The following FOXO3 variants were observed in gnomAD, a reference collection of about 807,000 sequenced individuals.
The protein encoded by FOXO3 is forkhead box protein O3.
A neutral mutation model predicts 41.9 loss-of-function variants in FOXO3; 4 were observed. The ratio of observed to expected loss-of-function variants is 0.10; its 90% confidence interval spans 0.05 to 0.22. The LOEUF is 0.22. FOXO3 is among the 10% of genes least tolerant of loss of function. The probability of loss-of-function intolerance (pLI) is 1.00; values close to 1 mark genes in which losing one functional copy is unlikely to be tolerated. For missense variants in FOXO3, 534 were observed against 906.8 expected, an observed-to-expected ratio of 0.59 and a Z score of 5.28; for synonymous variants, 318 against 389.3, an observed-to-expected ratio of 0.82 and a Z score of 2.16.
chr6:108,567,667 T>C (rs970912902), intron 1 of FOXO3, among the ~76,000 whole-genome samples: 33 of 152,110 alleles, frequency 2.2e-4, no homozygotes, highest in African/African-American at 7.7e-4. Context: ...TTTAACACTT[T>C]GGGAGGCCAA....
At chr6:108,570,501 T>G (rs899529659) in intron 1 of FOXO3, among the ~76,000 whole-genome samples, 2 of 152,016 alleles carry the variant, frequency 1.3e-5, no homozygotes, top group African/African-American at 2.4e-5. Context: ...AATTTTATGT[T>G]TTTTTTGTAG....
At chr6:108,562,257 G>A (rs1213766248) in intron 1 of FOXO3, among the ~76,000 whole-genome samples, 10 of 151,998 alleles carry the variant, frequency 6.6e-5, no homozygotes. Context: ...TGGAGGAGGG[G>A]TTGGATGTGT....
chr6:108,643,291 A>T (rs1449442925), intron 1 of FOXO3, among the ~76,000 whole-genome samples: 1 of 152,146 alleles, frequency 6.6e-6, no homozygotes, highest in South Asian at 2.1e-4. Flanking sequence ...ACCTTTTCAG[A>T]CTTTAGTGCA....
intron 1 of FOXO3, among the ~76,000 whole-genome samples, chr6:108,642,988 A>G (rs1477315431): frequency 1.3e-5 from 2 of 152,216 alleles, no homozygotes; most frequent in Admixed American, 6.5e-5. Context: ...GCACATTTGC[A>G]AGAATCCAGA....
rs1778973176 is a variant in FOXO3 at position 108,664,114 on chromosome 6, C to T, written c.1281C>T (p.Thr427=). 6.2e-7 allele frequency: 1 copy of T among 1,614,084 alleles called. No individual in the cohort carries two copies. Among genetic ancestry groups the T allele is most frequent in the African/African-American group, 1.3e-5 (1 of 74,944 alleles). ...TTKGSGLGSP[T]SSFNSTVFGP... Reference sequence around the variant, plus strand: ...AGGGCTCGGGCCTGGGCTCCCCAACCAGCTCCTTTAACAGCACGGTGTTCG... The same window carrying T: ...AGGGCTCGGGCCTGGGCTCCCCAACTAGCTCCTTTAACAGCACGGTGTTCG... The change falls in exon 2 of 3, where the codon ACC becomes ACT. Residue 427 remains threonine (T), a synonymous_variant. Coordinates refer to ENST00000406360, the MANE Select transcript of FOXO3 (RefSeq NM_001455.4).
intron 1 of FOXO3, among the ~76,000 whole-genome samples, chr6:108,662,994 T>G (rs1217696858): frequency 1.3e-5 from 2 of 152,226 alleles, no homozygotes; most frequent in Non-Finnish European, 2.9e-5. Context: ...ACATGTCATT[T>G]TATTCTCAAA....
chr6:108,632,664 C>T (rs907669547), intron 1 of FOXO3, among the ~76,000 whole-genome samples: 1 of 152,136 alleles, frequency 6.6e-6, no homozygotes, highest in Non-Finnish European at 1.5e-5. Context: ...AAAGCTGGCA[C>T]TACGTTTGAG....
chr6:108,671,244 A>G (rs556589627), intron 2 of FOXO3, among the ~76,000 whole-genome samples: 3 of 152,312 alleles, frequency 2.0e-5, no homozygotes, highest in South Asian at 4.1e-4. Context: ...CTGAATCCAG[A>G]TGCTGGTTTC....
rs143427512 is a variant in FOXO3 at position 108,600,282 on chromosome 6, C to T, written c.621+38453C>T. Among the ~76,000 whole-genome samples, 1,418 of 152,180 alleles carry T rather than the reference C, an allele frequency of 9.3e-3. 22 individuals carry two copies. The highest frequency in any genetic ancestry group is 0.032 in the African/African-American group (1,344 of 41,500). ...TGTGTGGGCCAGGTATGGTGGCTCA[C>T]ACCTGTAATCCCAGCACTTTAGGAG... On this transcript the variant is annotated intron_variant, in intron 1 of 2. Coordinates refer to ENST00000406360, the MANE Select transcript of FOXO3 (RefSeq NM_001455.4).
At chr6:108,590,509 G>T (rs563823571) in intron 1 of FOXO3, among the ~76,000 whole-genome samples, 1 of 152,268 alleles carries the variant, frequency 6.6e-6, no homozygotes. Context: ...TGTGTATGAG[G>T]TGTGTATGAA....
intron 1 of FOXO3, among the ~76,000 whole-genome samples, chr6:108,586,692 G>A (rs1414418577): frequency 6.6e-6 from 1 of 152,072 alleles, no homozygotes; most frequent in Non-Finnish European, 1.5e-5. Flanking sequence ...CCTGGCATAA[G>A]AAATTGTCAA....
rs1028614267 is a variant in FOXO3, at chr6:108,560,937, C to G, written c.-272C>G. ...GGGGCGGTGTCTGCTGCGCCAGGTT[C>G]GCTGGCCGCACGTCTTCAGGTCCTC... is the stretch of plus-strand genomic sequence containing the variant. On this transcript the variant is annotated 5_prime_UTR_variant, in exon 1 of 3. Transcript: ENST00000406360. 2.3e-6 allele frequency: 3 copies of G among 1,291,168 alleles called. No individual in the cohort carries two copies. Among genetic ancestry groups the G allele is most frequent in the African/African-American group, 3.1e-5 (2 of 64,144 alleles). The allele number at this position is 1,291,168 out of a possible 1,614,324, so 80.0% of individuals were successfully genotyped here. A position where few individuals can be genotyped will look rare whatever the true frequency, so the allele number is the denominator to read the frequency against.
chr6:108,604,913 A>G (rs1237664086), intron 1 of FOXO3, among the ~76,000 whole-genome samples: 2 of 152,190 alleles, frequency 1.3e-5, no homozygotes, highest in Non-Finnish European at 2.9e-5. Flanking sequence ...CCCTATAAGA[A>G]GAGAGAAAAA....
chr6:108,664,202 G>A lies in FOXO3; in HGVS notation c.1369G>A (p.Ala457Thr), dbSNP rs1229119545. Residue 457 changes from alanine (A) to threonine (T), a missense_variant, in exon 2 of 3, where the codon GCT (alanine) becomes ACT (threonine). By Grantham distance (58) the Ala-to-Thr change is moderately conservative. Coordinates refer to ENST00000406360, the MANE Select transcript of FOXO3 (RefSeq NM_001455.4). Reference sequence around the variant, plus strand: ...GCAGACCATCCAAGAGAACAAGCCAGCTACCTTCTCTTCCATGTCACACTA... The same window carrying A: ...GCAGACCATCCAAGAGAACAAGCCAACTACCTTCTCTTCCATGTCACACTA... ...PMQTIQENKPATFSSMSHYGN... is the reference protein window; with the variant it reads ...PMQTIQENKPTTFSSMSHYGN... The A allele has an allele frequency of 1.5e-5, 24 of 1,612,950 alleles. No homozygotes were observed. In the East Asian group the frequency reaches 5.4e-4, roughly 36 times the overall value.
intron 2 of FOXO3, among the ~76,000 whole-genome samples, chr6:108,668,340 T>C (rs1457527151): frequency 6.6e-6 from 1 of 152,218 alleles, no homozygotes; most frequent in Non-Finnish European, 1.5e-5. Flanking sequence ...CTTAGGTCTA[T>C]CTGGAAAAGA....
At chr6:108,560,186 C>T (rs1246703969), upstream of FOXO3, among the ~76,000 whole-genome samples, 1 of 152,184 alleles carries the variant, frequency 6.6e-6, no homozygotes, top group African/African-American at 2.4e-5. Context: ...GTCAAGATGG[C>T]AGCAGCGGGA....
chr6:108,578,941 C>G (rs1189528930), intron 1 of FOXO3, among the ~76,000 whole-genome samples: 1 of 152,170 alleles, frequency 6.6e-6, no homozygotes, highest in South Asian at 2.1e-4. Context: ...AACAAGTATG[C>G]TGCTTGTCAG....
intron 1 of FOXO3, among the ~76,000 whole-genome samples, chr6:108,627,895 T>TCACA (rs1777857845): frequency 6.6e-6 from 1 of 152,146 alleles, no homozygotes; most frequent in South Asian, 2.1e-4. Context: ...TGTTAGAGTA[T>TCACA]CACGTACTTT....
intron 1 of FOXO3, among the ~76,000 whole-genome samples, chr6:108,577,372 A>T (rs1245555662): frequency 6.6e-6 from 1 of 152,172 alleles, no homozygotes; most frequent in Non-Finnish European, 1.5e-5. Context: ...AGAATCTAAC[A>T]TAGTAACCTC....
Sources: allele counts gnomAD v4.1 joint callset (sites outside exome capture counted in the v4.1 genomes callset), GRCh38; gene constraint gnomAD v4.1.1; transcripts MANE v1.5; gene names NCBI Gene and HGNC (gene_info 2026-07-23, HGNC 2026-07-21).